The following FER1L5 variants were observed in gnomAD, a reference collection of about 807,000 sequenced individuals.
FER1L5 encodes the protein fer-1 like family member 5.
FER1L5 carries 187 observed loss-of-function variants against 279.9 expected under a neutral mutation model. That is an observed-to-expected ratio of 0.67 (90% CI 0.59 to 0.75). The LOEUF (loss-of-function observed/expected upper bound fraction) is 0.75. FER1L5 is among the 30% of genes least tolerant of loss of function. The pLI, the probability that FER1L5 is intolerant of heterozygous loss-of-function variation, is 0.00. For synonymous variants in FER1L5, 921 were observed against 989.7 expected, an observed-to-expected ratio of 0.93 and a Z score of 1.30; for missense variants, 2,091 against 2,594.4, an observed-to-expected ratio of 0.81 and a Z score of 4.21.
rs1244403022 is a variant in FER1L5, at chr2:96,694,899, T to A, written c.3741+435T>A. On this transcript the variant is annotated intron_variant, in intron 34 of 52. Coordinates refer to ENST00000624922, the MANE Select transcript of FER1L5 (RefSeq NM_001293083.2). The surrounding 1 kb of genome is among the most constrained non-coding windows in gnomAD (Gnocchi z 4.6). ...TCTGAGAGTAGCATGAGGGTCCTCATTCAGAAGCTGTGTGCCCTGCCGCAA... is the reference window on the plus strand; with the variant it reads ...TCTGAGAGTAGCATGAGGGTCCTCAATCAGAAGCTGTGTGCCCTGCCGCAA... 1 of 156,774 alleles carries A rather than the reference T, an allele frequency of 6.4e-6. No individual in the cohort carries two copies. The highest frequency in any genetic ancestry group is 2.4e-5 in the African/African-American group (1 of 41,622). 9.7% of individuals were successfully genotyped at this position (156,774 alleles called of 1,614,324 possible). A position where few individuals can be genotyped will look rare whatever the true frequency, so the allele number is the denominator to read the frequency against.
At chr2:96,685,898 C>G in intron 21 of FER1L5, 42 bp from the exon 22 acceptor site, 1 of 1,478,216 alleles carries the variant, frequency 6.8e-7, no homozygotes, top group Non-Finnish European at 9.0e-7. Context: ...CACTGGGAGG[C>G]AGTAGAGAGG....
rs1479588631 is a variant in FER1L5, at chr2:96,691,418, A to G, written c.2908-27A>G. On this transcript the variant is annotated intron_variant, in intron 28 of 52. Coordinates refer to ENST00000624922, the MANE Select transcript of FER1L5 (RefSeq NM_001293083.2). This position sits in a 1 kb window ranked among gnomAD's most constrained non-coding sequence, Gnocchi z 6.0. The stretch of plus-strand genomic sequence containing the variant: ...GGGCCGCCTTGGCTGCTGCAGGAAC[A>G]CAACCCTGCTCTCCTCCCCACCACA... 4 of 1,535,114 alleles carry G rather than the reference A, an allele frequency of 2.6e-6. No homozygotes were observed. The Admixed American group carries it at 8.0e-5, about 31-fold the overall frequency.
chr2:96,669,997 T>C, intron 17 of FER1L5, 122 bp from the exon 18 acceptor site: 1 of 1,309,712 alleles, frequency 7.6e-7, no homozygotes, highest in South Asian at 1.4e-5. Context: ...GGATTGTGGT[T>C]GCAGTAAGCC....
chr2:96,674,226 G>C (rs1412948612), intron 19 of FER1L5, among the ~76,000 whole-genome samples: 1 of 152,030 alleles, frequency 6.6e-6, no homozygotes, highest in African/African-American at 2.4e-5. Context: ...TCTGTTTTTT[G>C]TTTTGTTTTG....
chr2:96,676,611 G>A (rs1006752423), intron 19 of FER1L5, among the ~76,000 whole-genome samples: 4 of 147,598 alleles, frequency 2.7e-5, no homozygotes, highest in Non-Finnish European at 6.0e-5. Context: ...TCCTGTGTTC[G>A]TTTTCATCAG....
At chr2:96,646,837 C>T (rs1399426201) in intron 2 of FER1L5, among the ~76,000 whole-genome samples, 2 of 152,176 alleles carry the variant, frequency 1.3e-5, no homozygotes, top group Non-Finnish European at 2.9e-5. Flanking sequence ...CCCTTAATTC[C>T]CAACAGGCCA....
At chr2:96,683,722 T>G (rs2076817514) in intron 19 of FER1L5, among the ~76,000 whole-genome samples, 1 of 152,198 alleles carries the variant, frequency 6.6e-6, no homozygotes, top group African/African-American at 2.4e-5. Flanking sequence ...AGAACAAAAG[T>G]CAGCTTTGGC....
At chr2:96,646,265 T>G in intron 1 of FER1L5, 136 bp from the exon 2 acceptor site, 140 of 789,900 alleles carry the variant, frequency 1.8e-4, no homozygotes, top group Non-Finnish European at 2.4e-4. Context: ...CCCAAAGTGC[T>G]GAGATTACAG....
Position 96,651,872 on chromosome 2 carries a change from C to T in FER1L5, c.505-20C>T. 1 of 1,552,020 alleles carries T rather than the reference C, an allele frequency of 6.4e-7. No homozygotes were observed. The highest frequency in any genetic ancestry group is 8.7e-7 in the Non-Finnish European group (1 of 1,147,028). On this transcript the variant is annotated intron_variant, in intron 6 of 52. Transcript: ENST00000624922. ...TACAGAAGGCCCTCAATATCAGCTC[C>T]CCATGTGTTCCGCCCTTAGGTTCGA...
intron 9 of FER1L5, among the ~76,000 whole-genome samples, chr2:96,659,467 T>TTCTTTCTTTCTTTCTTTC (rs2075843045): frequency 3.5e-5 from 1 of 28,256 alleles, no homozygotes; most frequent in Non-Finnish European, 5.4e-5. Context: ...CTTTCTTTCT[T>TTCTTTCTTTCTTTCTTTC]TCTTTCTTTC....
chr2:96,680,826 C>T (rs902828770), intron 19 of FER1L5, among the ~76,000 whole-genome samples: 4 of 152,160 alleles, frequency 2.6e-5, no homozygotes, highest in Non-Finnish European at 2.9e-5. Context: ...GTGCCCACCC[C>T]ACCCCACCAA....
chr2:96,671,563 G>GT (rs776687929), intron 18 of FER1L5, among the ~76,000 whole-genome samples: 1 of 152,230 alleles, frequency 6.6e-6, no homozygotes, highest in Non-Finnish European at 1.5e-5. Flanking sequence ...GACATGTGAT[G>GT]TAAGACATCC....
At chr2:96,667,392 G>A (rs1268017989) in intron 14 of FER1L5, among the ~76,000 whole-genome samples, 4 of 147,798 alleles carry the variant, frequency 2.7e-5, no homozygotes, top group Non-Finnish European at 5.9e-5. Context: ...TTGTTGCCTA[G>A]GCTGGAGTGC....
In FER1L5 at chr2:96,691,425, T is replaced by A. The variant is rs1002559361; in HGVS notation, c.2908-20T>A. Reference sequence around the variant, plus strand: ...CTTGGCTGCTGCAGGAACACAACCCTGCTCTCCTCCCCACCACAGGGCCTG... The same window carrying A: ...CTTGGCTGCTGCAGGAACACAACCCAGCTCTCCTCCCCACCACAGGGCCTG... On this transcript the variant is annotated intron_variant, in intron 28 of 52. Transcript: ENST00000624922. This position sits in a 1 kb window ranked among gnomAD's most constrained non-coding sequence, Gnocchi z 6.0. 1.3e-6 allele frequency: 2 copies of A among 1,536,028 alleles called. No individual in the cohort carries two copies. Among genetic ancestry groups the A allele is most frequent in the Non-Finnish European group, 1.8e-6 (2 of 1,138,082 alleles).
rs2077605970 is a variant in FER1L5 at position 96,702,100 on chromosome 2, G to A, written c.5159+57G>A. 6.3e-7 allele frequency: 1 copy of A among 1,596,976 alleles called. No homozygotes were observed. The highest frequency in any genetic ancestry group is 2.2e-5 in the East Asian group (1 of 44,690). ...TTTCACAGTTCAGAACTCCCCCAGT[G>A]CAGGGCACCACTGTCCTCAGGTACT... On this transcript the variant is annotated intron_variant, in intron 46 of 52. Transcript: ENST00000624922. The surrounding 1 kb of genome is among the most constrained non-coding windows in gnomAD (Gnocchi z 4.0).
In FER1L5 at chr2:96,698,131, A is replaced by G. The variant is rs753756188; in HGVS notation, c.4331A>G (p.Asp1444Gly). The G allele has an allele frequency of 1.3e-6, 2 of 1,574,390 alleles. No homozygotes were observed. Among genetic ancestry groups the G allele is most frequent in the Non-Finnish European group, 1.7e-6 (2 of 1,160,022 alleles). ...FKLYQEQPKL[D>G]SPVVGEFKGL... Reference sequence around the variant, plus strand: ...CTCTACCAGGAGCAGCCCAAGTTGGACAGCCCCGTGGTAGGGGAGTTCAAG... The same window carrying G: ...CTCTACCAGGAGCAGCCCAAGTTGGGCAGCCCCGTGGTAGGGGAGTTCAAG... Residue 1444 changes from aspartate (D) to glycine (G), a missense_variant, in exon 40 of 53, where the codon GAC becomes GGC. Coordinates refer to ENST00000624922, the MANE Select transcript of FER1L5 (RefSeq NM_001293083.2). This position sits in a 1 kb window ranked among gnomAD's most constrained non-coding sequence, Gnocchi z 5.5.
rs1253971383 is a variant in FER1L5 at position 96,669,099 on chromosome 2, G to A, written c.1324G>A (p.Gly442Ser). 3 of 1,551,544 alleles carry A rather than the reference G, an allele frequency of 1.9e-6. No homozygotes were observed. Among genetic ancestry groups the A allele is most frequent in the African/African-American group, 1.4e-5 (1 of 73,026 alleles). The change falls in exon 17 of 53, where the codon GGT (glycine) becomes AGT (serine). Residue 442 changes from glycine (G) to serine (S), a missense_variant. Transcript: ENST00000624922. ...FGPSFLTLHG[G>S]KKAPFRIQEE... ...CCCCAGCTTCCTGACTCTGCATGGG[G>A]GTAAAAAGGCCCCTTTCAGGATCCA... is the stretch of plus-strand genomic sequence containing the variant.
chr2:96,651,869 C>A, intron 6 of FER1L5, 23 bp from the exon 7 acceptor site: 2 of 1,552,002 alleles, frequency 1.3e-6, no homozygotes, highest in Non-Finnish European at 1.7e-6. Context: ...TCAATATCAG[C>A]TCCCCATGTG....
chr2:96,651,758 C>G (rs573687940), intron 6 of FER1L5, 134 bp from the exon 7 acceptor site: 1 of 1,277,666 alleles, frequency 7.8e-7, no homozygotes, highest in Non-Finnish European at 1.1e-6. Flanking sequence ...TCTCCCACCT[C>G]GGCCTCCCAA....
Sources: allele counts gnomAD v4.1 joint callset (sites outside exome capture counted in the v4.1 genomes callset), GRCh38; gene constraint gnomAD v4.1.1; non-coding constraint Gnocchi (gnomAD v3.1); transcripts MANE v1.5; gene names NCBI Gene and HGNC (gene_info 2026-07-23, HGNC 2026-07-21).